UBE2E2: variants seen among roughly 807,000 people sequenced by gnomAD.
UBE2E2 encodes the protein ubiquitin conjugating enzyme E2 E2.
A neutral mutation model predicts 24.7 loss-of-function variants in UBE2E2; 6 were observed. The ratio of observed to expected loss-of-function variants is 0.24; its 90% CI spans 0.13 to 0.48. UBE2E2 has a LOEUF of 0.48. Ranked by LOEUF, UBE2E2 falls within the 20% of genes least tolerant of loss-of-function variation. UBE2E2 has a pLI of 0.99. For synonymous variants in UBE2E2, 104 were observed against 83.6 expected (o/e 1.24, Z -1.33); for missense variants, 169 against 245.0 (o/e 0.69, Z 2.07).
intron 3 of UBE2E2, among the ~76,000 whole-genome samples, chr3:23,375,166 G>A (rs1028766753): frequency 6.6e-6 from 1 of 152,112 alleles, no homozygotes; most frequent in Admixed American, 6.6e-5. Context: ...ATGTGCAGTT[G>A]ATTTACAGGA....
At chr3:23,209,466 C>A (rs1696256689) in intron 2 of UBE2E2, among the ~76,000 whole-genome samples, 1 of 152,142 alleles carries the variant, frequency 6.6e-6, no homozygotes, top group African/African-American at 2.4e-5. Context: ...TGTCACTGGA[C>A]TTAAAGGGAA....
At chr3:23,352,203 A>G (rs1290532691) in intron 3 of UBE2E2, among the ~76,000 whole-genome samples, 1 of 152,132 alleles carries the variant, frequency 6.6e-6, no homozygotes. Context: ...AAGACACAAC[A>G]TACCAGAATC....
At chr3:23,559,623 CCTTT>C (rs1234619836) in intron 5 of UBE2E2, among the ~76,000 whole-genome samples, 3 of 152,076 alleles carry the variant, frequency 2.0e-5, no homozygotes, top group Non-Finnish European at 4.4e-5. Flanking sequence ...CCACTCCTTT[CCTTT>C]CTTTCTTTCT....
Position 23,203,357 on chromosome 3 carries a change from A to G in UBE2E2, c.-116A>G. On this transcript the variant is annotated 5_prime_UTR_variant, in exon 1 of 6. Coordinates refer to ENST00000396703, the MANE Select transcript of UBE2E2 (RefSeq NM_152653.4). ...TCGGTGACTAGACGGTCCGCAGGGG[A>G]CATCCCGTCCCTGGGGCCTCCCCAG... 1 of 985,212 alleles carries G rather than the reference A, an allele frequency of 1.0e-6. No individual in the cohort carries two copies. Among genetic ancestry groups the G allele is most frequent in the Non-Finnish European group, 1.2e-6 (1 of 830,224 alleles). 61.0% of individuals were successfully genotyped at this position (985,212 alleles called of 1,614,324 possible).
At chr3:23,385,694 C>T (rs887825819) in intron 3 of UBE2E2, among the ~76,000 whole-genome samples, 1 of 152,204 alleles carries the variant, frequency 6.6e-6, no homozygotes, top group Non-Finnish European at 1.5e-5. Flanking sequence ...CCTCAAAGTC[C>T]TACATCATGG....
At chr3:23,301,611 A>G (rs1659739067) in intron 3 of UBE2E2, among the ~76,000 whole-genome samples, 1 of 152,166 alleles carries the variant, frequency 6.6e-6, no homozygotes, top group South Asian at 2.1e-4. Flanking sequence ...TTGATGAACC[A>G]CAGATGCTGC....
intron 5 of UBE2E2, among the ~76,000 whole-genome samples, chr3:23,580,362 T>G (rs966367689): frequency 1.3e-5 from 2 of 152,186 alleles, no homozygotes; most frequent in African/African-American, 2.4e-5. Context: ...AGTAACCTGA[T>G]CAGTCAGCAG....
intron 4 of UBE2E2, among the ~76,000 whole-genome samples, chr3:23,529,844 C>T (rs1328876462): frequency 6.6e-6 from 1 of 152,158 alleles, no homozygotes; most frequent in Admixed American, 6.6e-5. Flanking sequence ...ATGGAGTTTA[C>T]TCTGTTGTTC....
At chr3:23,295,192 T>C (rs1012411692) in intron 3 of UBE2E2, among the ~76,000 whole-genome samples, 1 of 152,240 alleles carries the variant, frequency 6.6e-6, no homozygotes, top group African/African-American at 2.4e-5. Context: ...ATCTTCATGC[T>C]AAATTCTAGT....
chr3:23,576,554 A>G (rs1696351951), intron 5 of UBE2E2, among the ~76,000 whole-genome samples: 1 of 152,190 alleles, frequency 6.6e-6, no homozygotes, highest in Non-Finnish European at 1.5e-5. Context: ...AACATCTATG[A>G]TGCAATCTAT....
At chr3:23,405,015 A>G (rs879871738) in intron 3 of UBE2E2, among the ~76,000 whole-genome samples, 1 of 152,202 alleles carries the variant, frequency 6.6e-6, no homozygotes, top group Admixed American at 6.5e-5. Context: ...TGTTTTTCTG[A>G]TACTGAAATG....
chr3:23,343,008 A>G (rs545366372), intron 3 of UBE2E2, among the ~76,000 whole-genome samples: 1 of 152,280 alleles, frequency 6.6e-6, no homozygotes, highest in East Asian at 1.9e-4. Context: ...TTTTGGTAGC[A>G]TAACTAGTGG....
chr3:23,433,688 T>A (rs1181828711), intron 3 of UBE2E2, among the ~76,000 whole-genome samples: 3 of 151,898 alleles, frequency 2.0e-5, no homozygotes, highest in African/African-American at 7.2e-5. Flanking sequence ...TGAGCCAAAT[T>A]TTGGATTTAA....
intron 3 of UBE2E2, among the ~76,000 whole-genome samples, chr3:23,468,065 A>G (rs1462043771): frequency 1.3e-5 from 2 of 152,218 alleles, no homozygotes; most frequent in African/African-American, 4.8e-5. Context: ...TGGGGACACA[A>G]CCAAACCATA....
At chr3:23,272,868 A>G (rs576161627) in intron 3 of UBE2E2, among the ~76,000 whole-genome samples, 24 of 152,284 alleles carry the variant, frequency 1.6e-4, no homozygotes, top group African/African-American at 5.5e-4. Flanking sequence ...GCCCAAGACC[A>G]AGAAGAGCCC....
chr3:23,345,258 G>GCATACTC (rs1695518582), intron 3 of UBE2E2, among the ~76,000 whole-genome samples: 1 of 152,148 alleles, frequency 6.6e-6, no homozygotes, highest in Non-Finnish European at 1.5e-5. Flanking sequence ...AAAGAGTTAG[G>GCATACTC]TTCATACCTC....
chr3:23,301,853 A>T (rs1699104360), intron 3 of UBE2E2, among the ~76,000 whole-genome samples: 1 of 140,680 alleles, frequency 7.1e-6, no homozygotes, highest in African/African-American at 3.3e-5. Flanking sequence ...CGTGGCTGAC[A>T]CTGGGAGCTG....
chr3:23,374,136 C>T lies in UBE2E2; in HGVS notation c.228-125472C>T, dbSNP rs559837392. 2.8e-3 allele frequency among the ~76,000 whole-genome samples: 427 copies of T among 152,136 alleles called. 1 individual carries two copies. Among genetic ancestry groups the T allele is most frequent in the Non-Finnish European group, 4.8e-3 (327 of 67,974 alleles). On this transcript the variant is annotated intron_variant, in intron 3 of 5. Transcript: ENST00000396703. Reference sequence around the variant, plus strand: ...AAATCTTTATAATAGAATACTTAAACGTTTCAATTAGGAATTTCAGCTTAA... The same window carrying T: ...AAATCTTTATAATAGAATACTTAAATGTTTCAATTAGGAATTTCAGCTTAA...
At chr3:23,272,016 C>T (rs370120378) in intron 3 of UBE2E2, among the ~76,000 whole-genome samples, 4 of 152,202 alleles carry the variant, frequency 2.6e-5, no homozygotes, top group Admixed American at 6.5e-5. Flanking sequence ...CCACCAGTCC[C>T]GCACGGCGCC....
Sources: gnomAD v4.1 joint callset for allele counts (sites outside exome capture counted in the v4.1 genomes callset) on GRCh38, gnomAD v4.1.1 for gene constraint, MANE v1.5 for transcripts, NCBI Gene and HGNC (gene_info 2026-07-23, HGNC 2026-07-21) for gene names.